MAP4K4: variants seen among roughly 807,000 people sequenced by gnomAD.
The protein encoded by MAP4K4 is HPK/GCK-like kinase HGK.
A neutral mutation model predicts 189.6 loss-of-function variants in MAP4K4; 38 were observed. The ratio of observed to expected loss-of-function variants is 0.20; its 90% CI spans 0.15 to 0.26. The LOEUF (loss-of-function observed/expected upper bound fraction) is 0.26, where lower values mean the gene tolerates loss of function less well. Ranked by LOEUF, MAP4K4 falls within the 10% of genes least tolerant of loss-of-function variation. The pLI, the probability that MAP4K4 is intolerant of heterozygous loss-of-function variation, is 1.00. For synonymous variants in MAP4K4, 610 were observed against 624.3 expected, an observed-to-expected ratio of 0.98 and a Z score of 0.34; for missense variants, 1,054 against 1,726.9, an observed-to-expected ratio of 0.61 and a Z score of 6.91.
intron 2 of MAP4K4, among the ~76,000 whole-genome samples, chr2:101,764,395 A>G (rs560615226): frequency 1.3e-5 from 2 of 152,312 alleles, no homozygotes; most frequent in South Asian, 4.1e-4. Context: ...TCCTGGCTGA[A>G]TCTTTGCCTT....
chr2:101,853,802 T>C (rs1415540957), intron 12 of MAP4K4, among the ~76,000 whole-genome samples: 1 of 152,060 alleles, frequency 6.6e-6, no homozygotes, highest in East Asian at 1.9e-4. Flanking sequence ...TGGGAGCAGG[T>C]AGAAGAGTGT....
At chr2:101,750,274 T>C (rs1235278189) in intron 2 of MAP4K4, among the ~76,000 whole-genome samples, 1 of 136,816 alleles carries the variant, frequency 7.3e-6, no homozygotes, top group Non-Finnish European at 1.6e-5. Context: ...TGTCCAACAA[T>C]GATAGACTGG....
chr2:101,821,919 C>T (rs912431317), intron 3 of MAP4K4, among the ~76,000 whole-genome samples: 4 of 152,000 alleles, frequency 2.6e-5, no homozygotes, highest in Non-Finnish European at 5.9e-5. Context: ...TGGTAAAAAA[C>T]GAAGACAGAA....
At chr2:101,802,394 G>C (rs2094455174) in intron 3 of MAP4K4, among the ~76,000 whole-genome samples, 1 of 152,180 alleles carries the variant, frequency 6.6e-6, no homozygotes, top group Admixed American at 6.5e-5. Context: ...CAGAGTAAAA[G>C]TACGGGTTCT....
chr2:101,764,329 G>A (rs1428298511), intron 2 of MAP4K4, among the ~76,000 whole-genome samples: 1 of 152,130 alleles, frequency 6.6e-6, no homozygotes, highest in African/African-American at 2.4e-5. Flanking sequence ...TGTTAGAAAG[G>A]CCATTATACT....
At chr2:101,798,598 A>C (rs904557588) in intron 3 of MAP4K4, among the ~76,000 whole-genome samples, 1 of 152,180 alleles carries the variant, frequency 6.6e-6, no homozygotes, top group Non-Finnish European at 1.5e-5. Context: ...TTATTACACC[A>C]CATCTCCCAG....
chr2:101,797,677 T>A (rs1255554866), intron 3 of MAP4K4, among the ~76,000 whole-genome samples: 1 of 152,036 alleles, frequency 6.6e-6, no homozygotes, highest in African/African-American at 2.4e-5. Flanking sequence ...ATTTATTTTT[T>A]AAATACTGGT....
At chr2:101,847,678 A>C (rs546656694) in intron 12 of MAP4K4, among the ~76,000 whole-genome samples, 1 of 152,378 alleles carries the variant, frequency 6.6e-6, no homozygotes, top group East Asian at 1.9e-4. Flanking sequence ...AACACAAAAG[A>C]ATAAAATTTA....
chr2:101,758,417 T>A (rs568302843), intron 2 of MAP4K4, among the ~76,000 whole-genome samples: 1 of 152,314 alleles, frequency 6.6e-6, no homozygotes, highest in Non-Finnish European at 1.5e-5. Flanking sequence ...TGGGTCCACT[T>A]AGATATACTC....
intron 3 of MAP4K4, chr2:101,797,494 T>A: frequency 1.2e-6 from 1 of 869,358 alleles, no homozygotes. Flanking sequence ...AGAGAAAAAC[T>A]AATGTGCCAT....
intron 3 of MAP4K4, among the ~76,000 whole-genome samples, chr2:101,808,396 T>A (rs1317521032): frequency 6.6e-6 from 1 of 152,162 alleles, no homozygotes; most frequent in Non-Finnish European, 1.5e-5. Flanking sequence ...TCAAGTGAGG[T>A]CGTGCTGGGT....
chr2:101,726,749 A>G (rs116419719), intron 2 of MAP4K4, among the ~76,000 whole-genome samples: 26 of 152,242 alleles, frequency 1.7e-4, no homozygotes, highest in Middle Eastern at 3.4e-3. Flanking sequence ...GTTTGGCTGG[A>G]TTGTTTGACA....
chr2:101,758,407 T>G (rs940436819), intron 2 of MAP4K4, among the ~76,000 whole-genome samples: 2 of 152,240 alleles, frequency 1.3e-5, no homozygotes, highest in African/African-American at 4.8e-5. Context: ...TTGAACTGTG[T>G]GGGTCCACTT....
chr2:101,707,721 C>T (rs367911535), intron 2 of MAP4K4, among the ~76,000 whole-genome samples: 111 of 144,220 alleles, frequency 7.7e-4, no homozygotes, highest in Middle Eastern at 3.7e-3. Flanking sequence ...GACGGAGTCT[C>T]GCTTTGTCGC....
At chr2:101,885,050 G>A (rs2072206) in intron 28 of MAP4K4, 137 bp from the exon 29 acceptor site, 18 of 469,946 alleles carry the variant, frequency 3.8e-5, no homozygotes, top group Non-Finnish European at 6.2e-5. Context: ...CTCTCTCTCT[G>A]AATTTTTCCC....
intron 2 of MAP4K4, among the ~76,000 whole-genome samples, chr2:101,729,769 A>G (rs2057565922): frequency 6.6e-6 from 1 of 152,096 alleles, no homozygotes; most frequent in Non-Finnish European, 1.5e-5. Flanking sequence ...TTGATTTGGC[A>G]TTCCTTGTCT....
chr2:101,701,930 A>G (rs1447543142), intron 2 of MAP4K4, among the ~76,000 whole-genome samples: 1 of 152,188 alleles, frequency 6.6e-6, no homozygotes, highest in Non-Finnish European at 1.5e-5. Flanking sequence ...CAGTGGCACC[A>G]TCTCTACTCA....
chr2:101,833,489 G>A (rs1270067297), intron 7 of MAP4K4, among the ~76,000 whole-genome samples: 2 of 151,788 alleles, frequency 1.3e-5, no homozygotes, highest in Non-Finnish European at 1.5e-5. Flanking sequence ...GCATGGTGGC[G>A]GGCGCCTGTA....
intron 2 of MAP4K4, among the ~76,000 whole-genome samples, chr2:101,745,607 C>T (rs901737989): frequency 5.3e-5 from 8 of 152,082 alleles, no homozygotes; most frequent in Admixed American, 2.6e-4. Context: ...CTTACCTGCA[C>T]ACTTTTGGGG....
Sources: allele counts gnomAD v4.1 joint callset (sites outside exome capture counted in the v4.1 genomes callset), GRCh38; gene constraint gnomAD v4.1.1; transcripts MANE v1.5; gene names NCBI Gene and HGNC (gene_info 2026-07-23, HGNC 2026-07-21).